GORASP2: variants seen among roughly 807,000 people sequenced by gnomAD.
GORASP2 encodes the protein Golgi reassembly-stacking protein 2.
Under a neutral mutation model 45.7 loss-of-function variants are expected in GORASP2, and 22 were observed. The observed-to-expected ratio is 0.48, with a 90% confidence interval of 0.34 to 0.69. The LOEUF (loss-of-function observed/expected upper bound fraction) is 0.69, where lower values mean the gene tolerates loss of function less well. Ranked by LOEUF, GORASP2 falls within the 30% of genes least tolerant of loss-of-function variation. The probability of loss-of-function intolerance (pLI) is 0.01; values close to 1 mark genes in which losing one functional copy is unlikely to be tolerated. For synonymous variants in GORASP2, 221 were observed against 215.6 expected, an observed-to-expected ratio of 1.02 and a Z score of -0.22; for missense variants, 491 against 562.7, an observed-to-expected ratio of 0.87 and a Z score of 1.29.
At chr2:170,932,754 C>G (rs1049706021) in intron 1 of GORASP2, among the ~76,000 whole-genome samples, 6 of 152,100 alleles carry the variant, frequency 3.9e-5, no homozygotes, top group Non-Finnish European at 5.9e-5. Flanking sequence ...TTTCCTGGGC[C>G]TAACATCGCC....
At chr2:170,949,895 A>T in intron 3 of GORASP2, 153 bp downstream of exon 3, 1 of 639,898 alleles carries the variant, frequency 1.6e-6, no homozygotes, top group South Asian at 2.1e-5. Flanking sequence ...TTAAGTATGG[A>T]TCAATTTTTT....
At chr2:170,929,999 C>A in intron 1 of GORASP2, 1 of 325,052 alleles carries the variant, frequency 3.1e-6, no homozygotes. Context: ...TTTCCCGTGC[C>A]ACTCCTGACC....
In GORASP2 at chr2:170,963,429, G is replaced by GCTA. The variant is rs1240018223; in HGVS notation, c.1018+486_1018+488dup. 1.1e-3 allele frequency among the ~76,000 whole-genome samples: 159 copies of GCTA among 140,956 alleles called. 1 individual carries two copies. Among genetic ancestry groups the GCTA allele is most frequent in the Non-Finnish European group, 2.0e-3 (130 of 65,048 alleles). 92.5% of individuals were successfully genotyped at this position (140,956 alleles called of 152,430 possible). A position where few individuals can be genotyped will look rare whatever the true frequency, so the allele number is the denominator to read the frequency against. On this transcript the variant is annotated intron_variant, in intron 9 of 9. Transcript: ENST00000234160. ...AGAAGAATGTCTCTCAGTCCCCGCT[G>GCTA]CTACTGCTGCTGCTGCTGCTGCTCC...
chr2:170,935,317 C>T (rs534895187), intron 1 of GORASP2, among the ~76,000 whole-genome samples: 1 of 151,830 alleles, frequency 6.6e-6, no homozygotes, highest in Non-Finnish European at 1.5e-5. Flanking sequence ...TGCAGTGGCG[C>T]GATCTCAGCT....
At chr2:170,929,467 G>A in intron 1 of GORASP2, 64 bp downstream of exon 1, 1 of 1,219,884 alleles carries the variant, frequency 8.2e-7, no homozygotes, top group Non-Finnish European at 1.1e-6. Flanking sequence ...CGGGGAGGCG[G>A]AGGCCCCCAT....
At chr2:170,951,849 TCTTTA>T (rs1469981393) in intron 5 of GORASP2, among the ~76,000 whole-genome samples, 2 of 152,234 alleles carry the variant, frequency 1.3e-5, no homozygotes, top group Non-Finnish European at 2.9e-5. Context: ...GCTCACAGTA[TCTTTA>T]CCCACACTAC....
chr2:170,955,101 G>T (rs1277241513), intron 6 of GORASP2, among the ~76,000 whole-genome samples: 1 of 152,080 alleles, frequency 6.6e-6, no homozygotes, highest in African/African-American at 2.4e-5. Context: ...TGAAAATCTG[G>T]ATGGGCAGAG....
intron 5 of GORASP2, among the ~76,000 whole-genome samples, chr2:170,953,597 G>A (rs62170034): frequency 0.022 from 3,344 of 152,264 alleles, 50 homozygotes; most frequent in Non-Finnish European, 0.035. Flanking sequence ...CAGGACTTCC[G>A]ATATATTTTG....
chr2:170,930,651 AT>A lies in GORASP2; in HGVS notation c.63+1258del, dbSNP rs11383834. On this transcript the variant is annotated intron_variant, in intron 1 of 9. Transcript: ENST00000234160. Reference sequence around the variant, plus strand: ...GCCATACTCTTAGTAGGAAAGGGTGATTTTTTTTTTCCCCGAAAGGAAAAGG... The same window carrying A: ...GCCATACTCTTAGTAGGAAAGGGTGATTTTTTTTTCCCCGAAAGGAAAAGG... Among the ~76,000 whole-genome samples, 948 of 149,886 alleles carry A rather than the reference AT, an allele frequency of 6.3e-3. 9 individuals are homozygous for A. Among genetic ancestry groups the A allele is most frequent in the African/African-American group, 0.021 (866 of 40,878 alleles).
At chr2:170,945,859 GT>G (rs1183440577) in intron 1 of GORASP2, among the ~76,000 whole-genome samples, 2 of 152,220 alleles carry the variant, frequency 1.3e-5, no homozygotes, top group African/African-American at 4.8e-5. Context: ...ACTTGTTACT[GT>G]ATAAATAGCT....
In GORASP2 at chr2:170,950,112, T is replaced by TA; in HGVS notation, c.349-86dup. On this transcript the variant is annotated intron_variant, in intron 3 of 9. Coordinates refer to ENST00000234160, the MANE Select transcript of GORASP2 (RefSeq NM_015530.5). ...CTAGCAAGACAGAAGTATACAGATTTAAAAAATCAACATAATTAAAAATTG... is the reference window on the plus strand; with the variant it reads ...CTAGCAAGACAGAAGTATACAGATTTAAAAAAATCAACATAATTAAAAATTG... 6.0e-6 allele frequency: 4 copies of TA among 664,382 alleles called. No individual in the cohort carries two copies. In the South Asian group the frequency reaches 7.9e-5, roughly 13 times the overall value. 41.2% of individuals were successfully genotyped at this position (664,382 alleles called of 1,614,324 possible).
At position 170,931,194 on chromosome 2, in the gene GORASP2, A is replaced by G. The variant is rs115061973; in HGVS notation, c.63+1791A>G. ...GGGACAACCTTAGTTACCAATCTGCATCTGGAGCATTAATGTTGCACACGA... is the reference window on the plus strand; with the variant it reads ...GGGACAACCTTAGTTACCAATCTGCGTCTGGAGCATTAATGTTGCACACGA... On this transcript the variant is annotated intron_variant, in intron 1 of 9. Transcript: ENST00000234160. Among the ~76,000 whole-genome samples, 854 of 152,374 alleles carry G rather than the reference A, an allele frequency of 5.6e-3. 7 individuals carry two copies. The highest frequency in any genetic ancestry group is 0.011 in the Non-Finnish European group (716 of 68,038).
chr2:170,930,232 T>C (rs1375838645), intron 1 of GORASP2, among the ~76,000 whole-genome samples: 3 of 152,222 alleles, frequency 2.0e-5, no homozygotes, highest in African/African-American at 7.2e-5. Flanking sequence ...CCCCTACCTA[T>C]GAACGGCCTG....
chr2:170,960,733 C>T (rs1261714088), intron 7 of GORASP2, among the ~76,000 whole-genome samples: 2 of 152,160 alleles, frequency 1.3e-5, no homozygotes, highest in Non-Finnish European at 2.9e-5. Context: ...GTCTGGGATC[C>T]AGTAGAGCAT....
At chr2:170,962,463 C>T (rs751859673) in intron 8 of GORASP2, among the ~76,000 whole-genome samples, 1 of 152,186 alleles carries the variant, frequency 6.6e-6, no homozygotes, top group Non-Finnish European at 1.5e-5. Flanking sequence ...TTTTAAAAGT[C>T]ATAGAGACTG....
chr2:170,929,295 G>GGGAGCAGCGCGGAGCCC lies in GORASP2; in HGVS notation c.-43_-27dup, dbSNP rs1703754111. On this transcript the variant is annotated 5_prime_UTR_variant, in exon 1 of 10. Coordinates refer to ENST00000234160, the MANE Select transcript of GORASP2 (RefSeq NM_015530.5). Reference sequence around the variant, plus strand: ...TTAGAGCAGGCGGTGCGCTGGGGGCGGGAGCAGCGCGGAGCCCGGCTCGGC... The same window carrying GGGAGCAGCGCGGAGCCC: ...TTAGAGCAGGCGGTGCGCTGGGGGCGGGAGCAGCGCGGAGCCCGGAGCAGCGCGGAGCCCGGCTCGGC... The GGGAGCAGCGCGGAGCCC allele has an allele frequency of 7.6e-7, 1 of 1,315,308 alleles. No individual in the cohort carries two copies. The allele number at this position is 1,315,308 out of a possible 1,614,324, so 81.5% of individuals were successfully genotyped here.
At chr2:170,935,375 C>T (rs1423692772) in intron 1 of GORASP2, among the ~76,000 whole-genome samples, 2 of 152,078 alleles carry the variant, frequency 1.3e-5, no homozygotes, top group Non-Finnish European at 2.9e-5. Flanking sequence ...CTGCCTCAGC[C>T]TCCCAAGTGG....
At chr2:170,932,751 G>A (rs1703857294) in intron 1 of GORASP2, among the ~76,000 whole-genome samples, 1 of 151,944 alleles carries the variant, frequency 6.6e-6, no homozygotes, top group Non-Finnish European at 1.5e-5. Context: ...TTTTTTCCTG[G>A]GCCTAACATC....
intron 5 of GORASP2, chr2:170,954,056 T>C (rs1704365540): frequency 6.6e-6 from 1 of 152,386 alleles, no homozygotes; most frequent in African/African-American, 2.4e-5. Context: ...TGTGATCACA[T>C]CTTACTAGAA....
Sources: allele counts gnomAD v4.1 joint callset (sites outside exome capture counted in the v4.1 genomes callset), GRCh38; gene constraint gnomAD v4.1.1; transcripts MANE v1.5; gene names NCBI Gene and HGNC (gene_info 2026-07-23, HGNC 2026-07-21).